The following CECR2 variants were observed in gnomAD, a reference collection of about 807,000 sequenced individuals.
The protein encoded by CECR2 is chromatin remodeling regulator CECR2.
CECR2 carries 30 observed loss-of-function variants against 154.5 expected under a neutral mutation model. The ratio of observed to expected loss-of-function variants is 0.19; its 90% CI spans 0.15 to 0.26. CECR2 has a LOEUF of 0.26. CECR2 is among the 10% of genes least tolerant of loss of function. The probability of loss-of-function intolerance (pLI) is 1.00; values close to 1 mark genes in which losing one functional copy is unlikely to be tolerated. For synonymous variants in CECR2, 725 were observed against 683.7 expected (o/e 1.06, Z -0.94); for missense variants, 1,743 against 1,829.3 (o/e 0.95, Z 0.86).
intron 1 of CECR2, among the ~76,000 whole-genome samples, chr22:17,387,979 G>T (rs534647607): frequency 1.4e-4 from 21 of 152,082 alleles, no homozygotes; most frequent in African/African-American, 5.1e-4. Context: ...TCCCGAGAGG[G>T]AGTCTGTCTC....
At chr22:17,520,793 T>G (rs1337082056) in intron 8 of CECR2, among the ~76,000 whole-genome samples, 1 of 152,166 alleles carries the variant, frequency 6.6e-6, no homozygotes, top group African/African-American at 2.4e-5. Context: ...TATTCCATGG[T>G]GTATATGTGC....
chr22:17,363,942 T>A (rs2062988836), intron 1 of CECR2, among the ~76,000 whole-genome samples: 1 of 152,144 alleles, frequency 6.6e-6, no homozygotes, highest in South Asian at 2.1e-4. Context: ...GCCTAATTTC[T>A]AAAAATTTTA....
chr22:17,547,451 C>T lies in CECR2; in HGVS notation c.2861-697C>T, dbSNP rs189991060. The stretch of plus-strand genomic sequence containing the variant: ...TTCACCGTGTTAGCCAGGATGGTCT[C>T]AATCTCCTGACCTCGTGATCTGCCC... On this transcript the variant is annotated intron_variant, in intron 16 of 18. Coordinates refer to ENST00000262608, the MANE Select transcript of CECR2 (RefSeq NM_001290047.2). Among the ~76,000 whole-genome samples, 520 of 152,236 alleles carry T rather than the reference C, an allele frequency of 3.4e-3. 6 individuals carry two copies. The highest frequency in any genetic ancestry group is 0.012 in the African/African-American group (503 of 41,558).
Position 17,369,540 on chromosome 22 carries a change from G to A in CECR2, c.-244G>A, listed in dbSNP as rs2063029122. The A allele has an allele frequency of 6.8e-6, 1 of 147,830 alleles. No homozygotes were observed. The highest frequency in any genetic ancestry group is 2.5e-5 in the African/African-American group (1 of 40,782). 9.2% of individuals were successfully genotyped at this position (147,830 alleles called of 1,614,324 possible). A position where few individuals can be genotyped will look rare whatever the true frequency, so the allele number is the denominator to read the frequency against. ...GCCGCAGCCGCGGGATGGGGCGAGCGCGCGGACCCCGCGGGCAGCCGCAGC... is the reference window on the plus strand; with the variant it reads ...GCCGCAGCCGCGGGATGGGGCGAGCACGCGGACCCCGCGGGCAGCCGCAGC... On this transcript the variant is annotated 5_prime_UTR_variant, in exon 1 of 19. Transcript: ENST00000262608.
Position 17,519,008 on chromosome 22 carries a change from C to G in CECR2, c.955-5110C>G, listed in dbSNP as rs1182590208. The G allele has an allele frequency of 3.2e-5, 6 of 186,816 alleles. No homozygotes were observed. The South Asian group carries it at 6.7e-4, about 21-fold the overall frequency. 11.6% of individuals were successfully genotyped at this position (186,816 alleles called of 1,614,324 possible). On this transcript the variant is annotated intron_variant, in intron 8 of 18. Transcript: ENST00000262608. Reference sequence around the variant, plus strand: ...CTATTCTCTGCATCAGAGAGAACTTCTCAAGATTGAGAAATCCATTTAACT... The same window carrying G: ...CTATTCTCTGCATCAGAGAGAACTTGTCAAGATTGAGAAATCCATTTAACT...
intron 2 of CECR2, among the ~76,000 whole-genome samples, chr22:17,483,388 C>T (rs536071984): frequency 4.9e-4 from 74 of 152,086 alleles, no homozygotes; most frequent in African/African-American, 1.6e-3. Context: ...AGCAAGACTC[C>T]GTCTCTACTA....
chr22:17,405,469 A>G (rs1000670228), intron 1 of CECR2, among the ~76,000 whole-genome samples: 2 of 28,354 alleles, frequency 7.1e-5, no homozygotes, highest in African/African-American at 1.9e-4. Flanking sequence ...ATAAAATAAA[A>G]TAAAATATAA....
chr22:17,450,357 G>A (rs542296047), intron 1 of CECR2, among the ~76,000 whole-genome samples: 1 of 152,162 alleles, frequency 6.6e-6, no homozygotes, highest in East Asian at 1.9e-4. Context: ...TGCAACCTCT[G>A]CCTCCCGTGT....
At position 17,540,717 on chromosome 22, in the gene CECR2, G is replaced by C; in HGVS notation, c.1801G>C (p.Val601Leu). The C allele has an allele frequency of 1.2e-6, 2 of 1,613,068 alleles. No individual in the cohort carries two copies. The highest frequency in any genetic ancestry group is 1.7e-6 in the Non-Finnish European group (2 of 1,179,446). The change falls in exon 14 of 19, where the codon GTG becomes CTG. Residue 601 changes from valine to leucine, a missense_variant. Transcript: ENST00000262608. ...CAGCTCCACACAGCCCCCGCGGGAG[G>C]TGGGCACTTCCAATGGCCGAGGTTT... is the stretch of plus-strand genomic sequence containing the variant. The part of the protein sequence containing the change: ...SSSSTQPPRE[V>L]GTSNGRGFSH...
At chr22:17,525,519 T>C (rs1008726479) in intron 9 of CECR2, among the ~76,000 whole-genome samples, 7 of 151,852 alleles carry the variant, frequency 4.6e-5, no homozygotes, top group Admixed American at 3.3e-4. Flanking sequence ...GGTGGGAGAA[T>C]TGCTTGAACC....
Position 17,524,246 on chromosome 22 carries a change from G to C in CECR2, c.1083G>C (p.Leu361Phe). 1 of 1,609,738 alleles carries C rather than the reference G, an allele frequency of 6.2e-7. No homozygotes were observed. The highest frequency in any genetic ancestry group is 1.1e-5 in the South Asian group (1 of 89,928). Residue 361 changes from leucine (L) to phenylalanine (F), a missense_variant, in exon 9 of 19, where the codon TTG becomes TTC. Transcript: ENST00000262608. ...TAAAGGAAGAGAGGAAACGCGAGTT[G>C]GAGGAGAAGGTCAAGGCAGTGGAAG... ...QMLKEERKRE[L>F]EEKVKAVEDR... is the part of the protein sequence containing the mutation.
At chr22:17,397,958 G>T (rs1053295888) in intron 1 of CECR2, among the ~76,000 whole-genome samples, 2 of 152,072 alleles carry the variant, frequency 1.3e-5, no homozygotes, top group Non-Finnish European at 2.9e-5. Context: ...CTTTGTCAGT[G>T]GTCCTGTTGG....
chr22:17,551,252 G>A (rs957736112), intron 17 of CECR2, among the ~76,000 whole-genome samples: 2 of 152,154 alleles, frequency 1.3e-5, no homozygotes, highest in African/African-American at 4.8e-5. Flanking sequence ...GCAAATAACA[G>A]TATCTAATAG....
intron 1 of CECR2, among the ~76,000 whole-genome samples, chr22:17,454,428 AC>A (rs1196689513): frequency 6.6e-6 from 1 of 151,228 alleles, no homozygotes; most frequent in African/African-American, 2.4e-5. Context: ...ACACAGTGAA[AC>A]CCCATCTCTA....
rs911133645 is a variant in CECR2, at chr22:17,555,695, T to A, written c.*2855T>A. The A allele has an allele frequency of 6.6e-6, 1 of 152,210 alleles. No homozygotes were observed. Among genetic ancestry groups the A allele is most frequent in the Non-Finnish European group, 1.5e-5 (1 of 68,028 alleles). The allele number at this position is 152,210 out of a possible 1,614,324, so 9.4% of individuals were successfully genotyped here. A position where few individuals can be genotyped will look rare whatever the true frequency, so the allele number is the denominator to read the frequency against. Reference sequence around the variant, plus strand: ...TTAGGAAAATGATGGTTATGTGATATGTTATATTTAGGAAGTAGTGTGTAA... The same window carrying A: ...TTAGGAAAATGATGGTTATGTGATAAGTTATATTTAGGAAGTAGTGTGTAA... On this transcript the variant is annotated 3_prime_UTR_variant, in exon 19 of 19. Transcript: ENST00000262608.
At chr22:17,545,235 C>T (rs963710824) in intron 16 of CECR2, among the ~76,000 whole-genome samples, 3 of 150,918 alleles carry the variant, frequency 2.0e-5, no homozygotes, top group South Asian at 2.1e-4. Flanking sequence ...ATTAGCCGGA[C>T]GTGATGGTAG....
intron 1 of CECR2, 125 bp from the exon 2 acceptor site, chr22:17,477,463 T>C (rs1055520604): frequency 2.9e-6 from 2 of 687,692 alleles, no homozygotes; most frequent in Admixed American, 4.3e-5. Flanking sequence ...GCAGAGCTGA[T>C]CTCTGGCAAG....
chr22:17,535,232 C>T (rs174334), intron 9 of CECR2, among the ~76,000 whole-genome samples: 57,640 of 151,476 alleles, frequency 0.38, 11,187 homozygotes, highest in East Asian at 0.59. Context: ...GCAGGAGAAT[C>T]GCTTGAACCT....
At chr22:17,444,415 T>G (rs2054628612) in intron 1 of CECR2, among the ~76,000 whole-genome samples, 1 of 152,044 alleles carries the variant, frequency 6.6e-6, no homozygotes, top group South Asian at 2.1e-4. Context: ...TCAGTTAAGG[T>G]CAGGAGTCCG....
Sources: gnomAD v4.1 joint callset for allele counts (sites outside exome capture counted in the v4.1 genomes callset) on GRCh38, gnomAD v4.1.1 for gene constraint, MANE v1.5 for transcripts, NCBI Gene and HGNC (gene_info 2026-07-23, HGNC 2026-07-21) for gene names.